The following CNTNAP2 variants were observed in gnomAD, a reference collection of about 807,000 sequenced individuals.
The protein encoded by CNTNAP2 is contactin associated protein 2.
In CNTNAP2, 98 loss-of-function variants were observed where a neutral mutation model predicts 155.2. That is an observed-to-expected ratio of 0.63 (90% CI 0.54 to 0.75). The LOEUF (loss-of-function observed/expected upper bound fraction) is 0.75, where lower values mean the gene tolerates loss of function less well. CNTNAP2 is among the 30% of genes least tolerant of loss of function. The pLI, the probability that CNTNAP2 is intolerant of heterozygous loss-of-function variation, is 0.00. For missense variants in CNTNAP2, 1,727 were observed against 1,688.1 expected (o/e 1.02, Z -0.40); for synonymous variants, 651 against 631.2 (o/e 1.03, Z -0.47).
At chr7:146,428,908 C>T (rs1305886991) in intron 1 of CNTNAP2, among the ~76,000 whole-genome samples, 1 of 151,922 alleles carries the variant, frequency 6.6e-6, no homozygotes, top group Non-Finnish European at 1.5e-5. Context: ...TATTTAATCT[C>T]TCTTGGGTTA....
chr7:146,395,730 G>T (rs1213246604), intron 1 of CNTNAP2, among the ~76,000 whole-genome samples: 1 of 150,624 alleles, frequency 6.6e-6, no homozygotes, highest in Non-Finnish European at 1.5e-5. Context: ...GGAATTCCAC[G>T]TAGGAGCAGA....
At chr7:146,703,231 A>G (rs1800906769) in intron 1 of CNTNAP2, among the ~76,000 whole-genome samples, 2 of 152,150 alleles carry the variant, frequency 1.3e-5, no homozygotes, top group African/African-American at 4.8e-5. Context: ...AACTGAAATA[A>G]ACCATGTGGT....
intron 8 of CNTNAP2, among the ~76,000 whole-genome samples, chr7:147,285,111 T>A (rs1331350653): frequency 6.6e-6 from 1 of 151,946 alleles, no homozygotes; most frequent in African/African-American, 2.4e-5. Context: ...AATAAGAAAC[T>A]CTATTCTTAT....
At chr7:146,966,121 A>G (rs12703868) in intron 3 of CNTNAP2, among the ~76,000 whole-genome samples, 35,531 of 152,106 alleles carry the variant, frequency 0.23, 5,173 homozygotes, top group Non-Finnish European at 0.32. Flanking sequence ...AACGTAAATT[A>G]TTTGGGATTG....
intron 13 of CNTNAP2, among the ~76,000 whole-genome samples, chr7:147,826,386 C>T (rs570523181): frequency 2.6e-5 from 4 of 152,146 alleles, no homozygotes; most frequent in Non-Finnish European, 5.9e-5. Flanking sequence ...ATAATTGGAA[C>T]TATCCCAGAA....
chr7:146,617,200 G>A (rs1030613852), intron 1 of CNTNAP2, among the ~76,000 whole-genome samples: 1 of 152,144 alleles, frequency 6.6e-6, no homozygotes, highest in Non-Finnish European at 1.5e-5. Flanking sequence ...TACCTAACAG[G>A]TTAACCTTGG....
rs150424151 is a variant in CNTNAP2, at chr7:147,613,099, C to T, written c.1898-26007C>T. Among the ~76,000 whole-genome samples, 649 of 152,030 alleles carry T rather than the reference C, an allele frequency of 4.3e-3. 3 individuals are homozygous for T. The highest frequency in any genetic ancestry group is 7.7e-3 in the Admixed American group (118 of 15,268). On this transcript the variant is annotated intron_variant, in intron 12 of 23. Coordinates refer to ENST00000361727, the MANE Select transcript of CNTNAP2 (RefSeq NM_014141.6). ...TTACTTTTTATTCCAAATTATTTTC[C>T]AAAATAGCTCCAAGAATCAGGGTAT...
chr7:146,161,820 A>T (rs1242932470), intron 1 of CNTNAP2, among the ~76,000 whole-genome samples: 2 of 152,188 alleles, frequency 1.3e-5, no homozygotes, highest in African/African-American at 2.4e-5. Context: ...AGAGATATAG[A>T]CCAATGGAAC....
intron 1 of CNTNAP2, among the ~76,000 whole-genome samples, chr7:146,486,802 AG>A (rs1254761766): frequency 6.6e-6 from 1 of 152,176 alleles, no homozygotes; most frequent in African/African-American, 2.4e-5. Context: ...CAAGCCTGAA[AG>A]AATCGAAAGG....
chr7:146,920,516 T>C (rs1440154508), intron 3 of CNTNAP2, among the ~76,000 whole-genome samples: 1 of 152,106 alleles, frequency 6.6e-6, no homozygotes, highest in Non-Finnish European at 1.5e-5. Flanking sequence ...TTTTGTCCCA[T>C]AAATATACAC....
chr7:146,996,166 T>C (rs1449708583), intron 3 of CNTNAP2, among the ~76,000 whole-genome samples: 2 of 152,162 alleles, frequency 1.3e-5, no homozygotes, highest in East Asian at 3.8e-4. Flanking sequence ...GAGACTGTTT[T>C]TTCCCCCATT....
At chr7:148,031,942 G>A (rs994212874) in intron 15 of CNTNAP2, among the ~76,000 whole-genome samples, 3 of 152,220 alleles carry the variant, frequency 2.0e-5, no homozygotes, top group African/African-American at 7.2e-5. Context: ...TCTACTTAGG[G>A]AAGATCATTC....
At chr7:146,836,117 G>A (rs780110727) in intron 2 of CNTNAP2, among the ~76,000 whole-genome samples, 8 of 152,000 alleles carry the variant, frequency 5.3e-5, no homozygotes, top group Admixed American at 2.0e-4. Context: ...TAGTTACATC[G>A]TTTGCACATA....
chr7:147,909,004 A>C lies in CNTNAP2; in HGVS notation c.2255+5283A>C, dbSNP rs552957866. ...TCTTGGTAAATTGCTGTCATAAATG[A>C]AAGTTTAAAATTACAGTGTGATATA... On this transcript the variant is annotated intron_variant, in intron 14 of 23. Coordinates refer to ENST00000361727, the MANE Select transcript of CNTNAP2 (RefSeq NM_014141.6). Among the ~76,000 whole-genome samples the C allele has an allele frequency of 7.9e-5, 12 of 152,358 alleles. No individual in the cohort carries two copies. In the South Asian group the frequency reaches 2.5e-3, roughly 32 times the overall value.
chr7:146,985,061 T>C (rs1798091141), intron 3 of CNTNAP2, among the ~76,000 whole-genome samples: 1 of 152,182 alleles, frequency 6.6e-6, no homozygotes. Context: ...TTTCACACTG[T>C]TTTCAGTCAG....
chr7:146,598,177 T>C (rs1229148631), intron 1 of CNTNAP2, among the ~76,000 whole-genome samples: 7 of 152,118 alleles, frequency 4.6e-5, no homozygotes, highest in African/African-American at 1.4e-4. Context: ...AATGGGCTGT[T>C]TCTGCTGTCT....
At position 148,021,972 on chromosome 7, in the gene CNTNAP2, G is replaced by A. The variant is rs113355621; in HGVS notation, c.2383+43983G>A. Reference sequence around the variant, plus strand: ...GTCTCCTCTGTGGGTGGAAAGGATGGACCCAAAGGAACAGAAGGCTGTGGC... The same window carrying A: ...GTCTCCTCTGTGGGTGGAAAGGATGAACCCAAAGGAACAGAAGGCTGTGGC... On this transcript the variant is annotated intron_variant, in intron 15 of 23. Coordinates refer to ENST00000361727, the MANE Select transcript of CNTNAP2 (RefSeq NM_014141.6). Among the ~76,000 whole-genome samples, 526 of 152,220 alleles carry A rather than the reference G, an allele frequency of 3.5e-3. 3 individuals are homozygous for A. Among genetic ancestry groups the A allele is most frequent in the African/African-American group, 0.012 (517 of 41,544 alleles).
intron 2 of CNTNAP2, among the ~76,000 whole-genome samples, chr7:146,835,605 A>G (rs1803601413): frequency 6.6e-6 from 1 of 152,182 alleles, no homozygotes; most frequent in African/African-American, 2.4e-5. Flanking sequence ...ATAGGAAAAA[A>G]ATAACATATA....
intron 11 of CNTNAP2, among the ~76,000 whole-genome samples, chr7:147,517,102 T>G (rs1026696445): frequency 4.4e-4 from 67 of 151,712 alleles, no homozygotes; most frequent in African/African-American, 1.6e-3. Context: ...ACTCCTGACC[T>G]CAAGTGATCT....
Sources: allele counts gnomAD v4.1 joint callset (sites outside exome capture counted in the v4.1 genomes callset), GRCh38; gene constraint gnomAD v4.1.1; transcripts MANE v1.5; gene names NCBI Gene and HGNC (gene_info 2026-07-23, HGNC 2026-07-21).